KLRG1: variants seen among roughly 807,000 people sequenced by gnomAD.
The protein encoded by KLRG1 is killer cell lectin-like receptor subfamily G member 1.
KLRG1 carries 16 observed loss-of-function variants against 21.8 expected under a neutral mutation model. That is an observed-to-expected ratio of 0.73 (90% CI 0.50 to 1.11). The LOEUF (loss-of-function observed/expected upper bound fraction) is 1.11, where lower values mean the gene tolerates loss of function less well. Among genes scored for constraint, KLRG1 ranks in the 50% most tolerant of loss-of-function variants. The pLI is 0.00. For synonymous variants in KLRG1, 69 were observed against 75.9 expected (o/e 0.91, Z 0.47); for missense variants, 173 against 218.3 (o/e 0.79, Z 1.31).
the KLRG1 span, among the ~76,000 whole-genome samples, chr12:9,178,009 T>C: frequency 0.24 from 36,659 of 152,082 alleles, 4,586 homozygotes; most frequent in East Asian, 0.42. Flanking sequence ...CTAACTAAAA[T>C]ACAGAAATAT....
At chr12:9,157,706 G>T in the KLRG1 span, 1 of 1,442,192 alleles carries the variant, frequency 6.9e-7, no homozygotes, top group Non-Finnish European at 9.8e-7. Flanking sequence ...TAGCAGGGTG[G>T]CATTCCAGAC....
chr12:9,022,706 G>A, the KLRG1 span, among the ~76,000 whole-genome samples: 3 of 152,114 alleles, frequency 2.0e-5, no homozygotes, highest in Non-Finnish European at 2.9e-5. Context: ...GGCCAATGAT[G>A]TAATCAATTA....
chr12:8,975,017 T>A (rs1321079940), intron 1 of KLRG1, among the ~76,000 whole-genome samples: 1 of 151,978 alleles, frequency 6.6e-6, no homozygotes, highest in Non-Finnish European at 1.5e-5. Flanking sequence ...TACCTCAGCC[T>A]CCAGAGTAGC....
chr12:9,119,418 T>C, the KLRG1 span, among the ~76,000 whole-genome samples: 581 of 152,220 alleles, frequency 3.8e-3, 6 homozygotes, highest in African/African-American at 0.013. Context: ...TGATTGATTT[T>C]TTTTTTCTGC....
At chr12:9,094,422 T>C in the KLRG1 span, among the ~76,000 whole-genome samples, 55 of 148,162 alleles carry the variant, frequency 3.7e-4, no homozygotes, top group African/African-American at 1.3e-3. Context: ...TAAAGGATTA[T>C]ACAATATAAT....
At chr12:8,963,975 T>C (rs1030237667) in intron 1 of KLRG1, among the ~76,000 whole-genome samples, 6 of 152,222 alleles carry the variant, frequency 3.9e-5, no homozygotes, top group African/African-American at 1.4e-4. Flanking sequence ...GTTTATCTCT[T>C]CAAAAAACCA....
downstream of KLRG1, among the ~76,000 whole-genome samples, chr12:9,015,038 T>A (rs1947680960): frequency 6.6e-6 from 1 of 151,510 alleles, no homozygotes; most frequent in Non-Finnish European, 1.5e-5. Context: ...AAGCAAGAAA[T>A]TAAAACATAC....
chr12:9,149,937 A>G, the KLRG1 span, among the ~76,000 whole-genome samples: 1 of 152,108 alleles, frequency 6.6e-6, no homozygotes, highest in African/African-American at 2.4e-5. Context: ...ATTACTTTTC[A>G]AAGATTATTG....
chr12:8,971,972 G>T (rs1409986191), intron 1 of KLRG1, among the ~76,000 whole-genome samples: 1 of 152,070 alleles, frequency 6.6e-6, no homozygotes, highest in African/African-American at 2.4e-5. Context: ...TCACTCTGTC[G>T]ATTGTTTCCT....
chr12:9,197,858 TATATATA>T, the KLRG1 span, among the ~76,000 whole-genome samples: 3 of 118,440 alleles, frequency 2.5e-5, no homozygotes, highest in South Asian at 4.5e-4. Context: ...TAATATTAAT[TATATATA>T]ATATATAATA....
chr12:9,045,794 TGTCCATCAG>T, the KLRG1 span, among the ~76,000 whole-genome samples: 5 of 152,280 alleles, frequency 3.3e-5, no homozygotes, highest in South Asian at 1.0e-3. Flanking sequence ...TCAACCCAAA[TGTCCATCAG>T]TGATAGACCA....
intron 1 of KLRG1, among the ~76,000 whole-genome samples, chr12:8,982,644 C>CTT (rs745473290): frequency 1.5e-4 from 21 of 136,016 alleles, no homozygotes; most frequent in South Asian, 4.7e-4. Context: ...CAGACAATAT[C>CTT]TTTTTTTTTT....
the KLRG1 span, among the ~76,000 whole-genome samples, chr12:9,154,060 A>G: frequency 6.6e-6 from 1 of 152,206 alleles, no homozygotes. Flanking sequence ...TTCTCATTCC[A>G]AAAAGATCAA....
chr12:9,129,272 C>A, the KLRG1 span, among the ~76,000 whole-genome samples: 1 of 152,054 alleles, frequency 6.6e-6, no homozygotes, highest in East Asian at 1.9e-4. Flanking sequence ...GTTGATGATA[C>A]ATTTATTATT....
At chr12:8,988,365 G>A (rs1482975004), upstream of KLRG1, 1 of 152,168 alleles carries the variant, frequency 6.6e-6, no homozygotes, top group Non-Finnish European at 1.5e-5. Flanking sequence ...GAAAATAGCT[G>A]CCTTGTGTGT....
the KLRG1 span, among the ~76,000 whole-genome samples, chr12:9,025,674 C>T: frequency 6.6e-6 from 1 of 152,064 alleles, no homozygotes; most frequent in African/African-American, 2.4e-5. Flanking sequence ...AGAGAGGATG[C>T]TTTATAGACC....
chr12:8,977,011 A>C (rs913313433), intron 1 of KLRG1, among the ~76,000 whole-genome samples: 2 of 152,166 alleles, frequency 1.3e-5, no homozygotes, highest in Non-Finnish European at 2.9e-5. Context: ...TGGGCCTCCC[A>C]AAGTGCTGGG....
chr12:9,040,440 T>C, the KLRG1 span, among the ~76,000 whole-genome samples: 1 of 152,248 alleles, frequency 6.6e-6, no homozygotes, highest in African/African-American at 2.4e-5. Context: ...GGTTTGGATC[T>C]ATAAGAAGGA....
the KLRG1 span, among the ~76,000 whole-genome samples, chr12:9,084,936 A>G: frequency 4.6e-5 from 7 of 152,280 alleles, no homozygotes; most frequent in South Asian, 6.2e-4. Flanking sequence ...GAGACAAAGG[A>G]GAACATTATA....
Sources: gnomAD v4.1 joint callset for allele counts (sites outside exome capture counted in the v4.1 genomes callset) on GRCh38, gnomAD v4.1.1 for gene constraint, MANE v1.5 for transcripts, NCBI Gene and HGNC (gene_info 2026-07-23, HGNC 2026-07-21) for gene names.